The following HECW1 variants were observed in gnomAD, a reference collection of about 807,000 sequenced individuals.
The protein encoded by HECW1 is E3 ubiquitin-protein ligase HECW1.
Under a neutral mutation model 182.3 loss-of-function variants are expected in HECW1, and 61 were observed. The observed-to-expected ratio is 0.33, with a 90% confidence interval of 0.27 to 0.41. HECW1 has a LOEUF of 0.41. Ranked by LOEUF, HECW1 falls within the 10% of genes least tolerant of loss-of-function variation. The pLI, the probability that HECW1 is intolerant of heterozygous loss-of-function variation, is 1.00. For synonymous variants in HECW1, 859 were observed against 832.6 expected, an observed-to-expected ratio of 1.03 and a Z score of -0.55; for missense variants, 1,739 against 2,108.9, an observed-to-expected ratio of 0.82 and a Z score of 3.44.
intron 6 of HECW1, among the ~76,000 whole-genome samples, chr7:43,376,895 A>T (rs2152824175): frequency 6.6e-6 from 1 of 152,000 alleles, no homozygotes; most frequent in Middle Eastern, 3.4e-3. Flanking sequence ...AAATATATAG[A>T]TCTTGATTTC....
intron 5 of HECW1, among the ~76,000 whole-genome samples, chr7:43,349,904 T>G (rs978930127): frequency 1.3e-5 from 2 of 152,212 alleles, no homozygotes; most frequent in Admixed American, 6.5e-5. Context: ...TTGTTGCCTG[T>G]GTACTTTGTT....
chr7:43,299,916 G>A (rs1806516266), intron 3 of HECW1, among the ~76,000 whole-genome samples: 1 of 152,200 alleles, frequency 6.6e-6, no homozygotes, highest in African/African-American at 2.4e-5. Flanking sequence ...AAAGCAATAT[G>A]CCACTCATCT....
chr7:43,226,486 G>A (rs1419056061), intron 2 of HECW1, among the ~76,000 whole-genome samples: 1 of 152,140 alleles, frequency 6.6e-6, no homozygotes, highest in Non-Finnish European at 1.5e-5. Context: ...CTGTCTAAAT[G>A]CTTTACTTTT....
intron 3 of HECW1, among the ~76,000 whole-genome samples, chr7:43,261,430 T>G (rs1214946280): frequency 2.0e-5 from 3 of 152,174 alleles, no homozygotes; most frequent in African/African-American, 7.2e-5. Flanking sequence ...TTCTATTTGC[T>G]CTTTCTCACA....
chr7:43,270,810 T>C (rs975567527), intron 3 of HECW1, among the ~76,000 whole-genome samples: 1 of 152,212 alleles, frequency 6.6e-6, no homozygotes, highest in East Asian at 1.9e-4. Context: ...ATGGTAGATA[T>C]CAATAGATTT....
intron 15 of HECW1, among the ~76,000 whole-genome samples, chr7:43,467,048 T>C (rs1277892727): frequency 6.6e-6 from 1 of 152,244 alleles, no homozygotes; most frequent in Non-Finnish European, 1.5e-5. Flanking sequence ...CATTGCTTTT[T>C]TGGTATTTTC....
intron 3 of HECW1, 53 bp from the exon 4 acceptor site, chr7:43,311,710 G>A: frequency 3.3e-6 from 5 of 1,536,738 alleles, no homozygotes; most frequent in Admixed American, 3.3e-5. Flanking sequence ...TGATGACGGT[G>A]ACTGAGTTGC....
At chr7:43,146,732 G>A (rs1043982092) in intron 2 of HECW1, among the ~76,000 whole-genome samples, 1 of 152,210 alleles carries the variant, frequency 6.6e-6, no homozygotes, top group Non-Finnish European at 1.5e-5. Flanking sequence ...CTTCTTTGGG[G>A]ATGCCCACTC....
At chr7:43,505,196 C>A (rs77760265) in intron 21 of HECW1, among the ~76,000 whole-genome samples, 3 of 152,156 alleles carry the variant, frequency 2.0e-5, no homozygotes, top group Non-Finnish European at 4.4e-5. Context: ...GCTCTTCCCC[C>A]ACAAATGTGT....
At chr7:43,119,064 A>T (rs1384483750) in intron 2 of HECW1, 1 of 152,228 alleles carries the variant, frequency 6.6e-6, no homozygotes, top group Non-Finnish European at 1.5e-5. Flanking sequence ...AACATATATG[A>T]AATATATGAA....
At chr7:43,500,527 A>C (rs1585101914) in intron 19 of HECW1, among the ~76,000 whole-genome samples, 172 bp from the exon 20 acceptor site, 1 of 152,178 alleles carries the variant, frequency 6.6e-6, no homozygotes, top group Non-Finnish European at 1.5e-5. Flanking sequence ...GCCATCCCTC[A>C]TAGAGCATCC....
chr7:43,143,775 G>A (rs1236350350), intron 2 of HECW1, among the ~76,000 whole-genome samples: 6 of 152,202 alleles, frequency 3.9e-5, no homozygotes, highest in Non-Finnish European at 7.3e-5. Flanking sequence ...ACTCACTGGG[G>A]AGACTGAGTT....
chr7:43,557,682 C>T (rs1023674315), intron 29 of HECW1, among the ~76,000 whole-genome samples: 3 of 152,148 alleles, frequency 2.0e-5, no homozygotes, highest in African/African-American at 7.2e-5. Context: ...TTCAGAGGGT[C>T]AGAAGGAACC....
intron 2 of HECW1, among the ~76,000 whole-genome samples, chr7:43,224,079 TCTCA>T (rs1405343278): frequency 6.6e-6 from 1 of 152,230 alleles, no homozygotes; most frequent in Non-Finnish European, 1.5e-5. Flanking sequence ...TTGCCTGTCT[TCTCA>T]CTCTAGAATG....
At chr7:43,528,142 G>A (rs541859278) in intron 24 of HECW1, among the ~76,000 whole-genome samples, 55 of 152,232 alleles carry the variant, frequency 3.6e-4, no homozygotes, top group Non-Finnish European at 1.5e-4. Flanking sequence ...AATGCACATC[G>A]TTTTTGCGAC....
intron 2 of HECW1, among the ~76,000 whole-genome samples, chr7:43,152,577 G>A (rs1789456630): frequency 6.6e-6 from 1 of 152,010 alleles, no homozygotes; most frequent in Non-Finnish European, 1.5e-5. Flanking sequence ...TTGCTTTGTT[G>A]TTGTTGTTTT....
At chr7:43,546,173 C>T (rs2081551404) in intron 26 of HECW1, among the ~76,000 whole-genome samples, 1 of 144,502 alleles carries the variant, frequency 6.9e-6, no homozygotes, top group South Asian at 2.2e-4. Flanking sequence ...TCTGTCAGCT[C>T]TTGAATTTCT....
chr7:43,336,871 G>A (rs1047594422), intron 5 of HECW1, among the ~76,000 whole-genome samples: 2 of 152,138 alleles, frequency 1.3e-5, no homozygotes, highest in Admixed American at 1.3e-4. Flanking sequence ...TTGCTGCGAA[G>A]GACATGATTT....
chr7:43,203,131 A>G (rs557563384), intron 2 of HECW1, among the ~76,000 whole-genome samples: 1 of 152,052 alleles, frequency 6.6e-6, no homozygotes, highest in Non-Finnish European at 1.5e-5. Flanking sequence ...GACTTCCCAA[A>G]GTGCCGGGAT....
Sources: allele counts gnomAD v4.1 joint callset (sites outside exome capture counted in the v4.1 genomes callset), GRCh38; gene constraint gnomAD v4.1.1; transcripts MANE v1.5; gene names NCBI Gene and HGNC (gene_info 2026-07-23, HGNC 2026-07-21).